The following CYREN variants were observed in gnomAD, a reference collection of about 807,000 sequenced individuals.
CYREN encodes cell cycle regulator of non-homologous end joining.
A neutral mutation model predicts 9.7 loss-of-function variants in CYREN; 7 were observed. The observed-to-expected ratio is 0.72, with a 90% CI of 0.41 to 1.36. The LOEUF is 1.36. Ranked by LOEUF, CYREN falls within the 40% of genes most tolerant of loss-of-function variation. The pLI is 0.01. For synonymous variants in CYREN, 76 were observed against 77.9 expected, an observed-to-expected ratio of 0.98 and a Z score of 0.13; for missense variants, 215 against 198.1, an observed-to-expected ratio of 1.09 and a Z score of -0.51.
chr7:135,162,124 C>T (rs141791676), downstream of CYREN, among the ~76,000 whole-genome samples: 607 of 152,366 alleles, frequency 4.0e-3, 2 homozygotes, highest in African/African-American at 0.014. Flanking sequence ...TCTTTATTTT[C>T]CCCACTTGGT....
In CYREN at chr7:135,128,911, G is replaced by A. The variant is rs151286968; in HGVS notation, n.357-34329C>T. 773 of 1,486,760 alleles carry A rather than the reference G, an allele frequency of 5.2e-4. 3 individuals are homozygous for A. In the African/African-American group the frequency reaches 9.7e-3, roughly 19 times the overall value. 92.1% of individuals were successfully genotyped at this position (1,486,760 alleles called of 1,614,324 possible). On this transcript the variant is annotated intron_variant and non_coding_transcript_variant, in intron 2 of 2. Transcript: ENST00000459937. ...GCTCAGCAGATAAAATGCTTTAATAGTAATTTGTTCCTGTGCAATATCTGT... is the reference window on the plus strand; with the variant it reads ...GCTCAGCAGATAAAATGCTTTAATAATAATTTGTTCCTGTGCAATATCTGT...
intron 3 of CYREN, chr7:135,167,293 T>A (rs911138697): frequency 9.4e-7 from 1 of 1,069,462 alleles, no homozygotes; most frequent in Non-Finnish European, 1.1e-6. Flanking sequence ...TGGTAAACTG[T>A]AGAATGCTGT....
At chr7:135,108,521 T>C (rs767062396) in intron 2 of CYREN, among the ~76,000 whole-genome samples, 9 of 152,204 alleles carry the variant, frequency 5.9e-5, no homozygotes, top group Non-Finnish European at 8.8e-5. Context: ...TTTAAGAATA[T>C]TGAATATAGG....
At chr7:135,104,160 A>G (rs1299069592) in intron 2 of CYREN, among the ~76,000 whole-genome samples, 2 of 152,052 alleles carry the variant, frequency 1.3e-5, no homozygotes, top group African/African-American at 4.8e-5. Context: ...AAGTGACAAC[A>G]TGTGATATTT....
In CYREN at chr7:135,166,738, T is replaced by C. The variant is rs1181432631; in HGVS notation, c.347A>G (p.Gln116Arg). The change falls in exon 4 of 4, where the codon CAG becomes CGG. Residue 116 changes from glutamine to arginine, a missense_variant. Physicochemically the swap from Gln to Arg is conservative, Grantham distance 43. Coordinates refer to ENST00000393114, the MANE Select transcript of CYREN (RefSeq NM_024033.4). ...SSSEEEDSGK[Q>R]ALAPGLSPSQ... is the part of the protein sequence containing the mutation. ...AGGGCTGAGGCCTGGAGCCAGTGCC[T>C]GTTTCCCACTGTCCTCTTCCTCACT... 6.2e-7 allele frequency: 1 copy of C among 1,613,908 alleles called. No individual in the cohort carries two copies. Among genetic ancestry groups the C allele is most frequent in the African/African-American group, 1.3e-5 (1 of 74,934 alleles).
chr7:135,092,626 T>C (rs1230724160), exon 3 of CYREN: 1 of 152,166 alleles, frequency 6.6e-6, no homozygotes, highest in Non-Finnish European at 1.5e-5. Flanking sequence ...AAATGCTACT[T>C]ATTGTGTTAT....
chr7:135,116,426 T>C (rs1826320290), intron 2 of CYREN, among the ~76,000 whole-genome samples: 1 of 152,170 alleles, frequency 6.6e-6, no homozygotes, highest in Non-Finnish European at 1.5e-5. Context: ...ATGAATACTT[T>C]CATAAGAAAA....
At chr7:135,160,467 G>T (rs1829901603) in intron 2 of CYREN, among the ~76,000 whole-genome samples, 2 of 152,156 alleles carry the variant, frequency 1.3e-5, no homozygotes, top group Non-Finnish European at 2.9e-5. Context: ...GTGTCATGGG[G>T]TTTCCAACCA....
At chr7:135,125,115 G>T (rs1418679397) in intron 2 of CYREN, among the ~76,000 whole-genome samples, 2 of 151,886 alleles carry the variant, frequency 1.3e-5, no homozygotes, top group African/African-American at 2.4e-5. Flanking sequence ...TCCAGCAGCT[G>T]TTTTTTTAAA....
chr7:135,130,776 A>G (rs1052053617), intron 2 of CYREN, among the ~76,000 whole-genome samples: 2 of 152,110 alleles, frequency 1.3e-5, no homozygotes, highest in African/African-American at 2.4e-5. Context: ...CTAACAAGCT[A>G]TGGGAATTTG....
At chr7:135,113,366 TTTCA>T (rs1283093297) in intron 2 of CYREN, among the ~76,000 whole-genome samples, 2 of 152,204 alleles carry the variant, frequency 1.3e-5, no homozygotes, top group Non-Finnish European at 2.9e-5. Context: ...GCTACTCTTG[TTTCA>T]TCTGTTTTCC....
intron 2 of CYREN, among the ~76,000 whole-genome samples, chr7:135,121,970 AG>A (rs566792247): frequency 6.6e-6 from 1 of 152,224 alleles, no homozygotes; most frequent in South Asian, 2.1e-4. Context: ...AGAGCCGTGA[AG>A]TTTCTCAATA....
At chr7:135,168,021 G>A (rs1433734789) in intron 2 of CYREN, 3 of 740,482 alleles carry the variant, frequency 4.1e-6, no homozygotes, top group East Asian at 5.7e-5. Context: ...ACACCGGGGT[G>A]CCTCCCACCC....
chr7:135,161,829 C>T (rs1470980578), downstream of CYREN, among the ~76,000 whole-genome samples: 1 of 152,212 alleles, frequency 6.6e-6, no homozygotes, highest in Non-Finnish European at 1.5e-5. This position sits in a 1 kb window ranked among gnomAD's most constrained non-coding sequence, Gnocchi z 4.1. Context: ...TGGGACAGCC[C>T]CTCACTCCTC....
intron 2 of CYREN, among the ~76,000 whole-genome samples, chr7:135,096,351 GAA>G (rs905609273): frequency 1.9e-4 from 28 of 148,692 alleles, no homozygotes; most frequent in South Asian, 1.3e-3. Flanking sequence ...AAGAAAGAAA[GAA>G]AGAGAGAGAC....
chr7:135,129,354 G>C (rs1202960430), intron 2 of CYREN: 8 of 990,618 alleles, frequency 8.1e-6, no homozygotes, highest in Middle Eastern at 2.6e-4. Context: ...CTTACTAAAT[G>C]AATACCTGCA....
At chr7:135,117,525 T>C (rs1826494891) in intron 2 of CYREN, among the ~76,000 whole-genome samples, 1 of 152,208 alleles carries the variant, frequency 6.6e-6, no homozygotes, top group Admixed American at 6.5e-5. Flanking sequence ...TTGCTTATTC[T>C]CACTTTACCC....
intron 2 of CYREN, among the ~76,000 whole-genome samples, chr7:135,130,882 T>C (rs559873455): frequency 2.6e-5 from 4 of 152,122 alleles, no homozygotes; most frequent in Non-Finnish European, 5.9e-5. Flanking sequence ...TTTTGAAAAA[T>C]TGTCTTTCGT....
chr7:135,128,012 T>C (rs1828130159), intron 2 of CYREN, among the ~76,000 whole-genome samples: 1 of 151,802 alleles, frequency 6.6e-6, no homozygotes, highest in South Asian at 2.1e-4. Flanking sequence ...GAATGGGATC[T>C]GCCAGGCACG....
Sources: allele counts gnomAD v4.1 joint callset (sites outside exome capture counted in the v4.1 genomes callset), GRCh38; gene constraint gnomAD v4.1.1; non-coding constraint Gnocchi (gnomAD v3.1); transcripts MANE v1.5; gene names NCBI Gene and HGNC (gene_info 2026-07-23, HGNC 2026-07-21).